MDN1: variants seen among roughly 807,000 people sequenced by gnomAD.
MDN1 encodes the protein midasin.
Under a neutral mutation model 669.2 loss-of-function variants are expected in MDN1, and 266 were observed. The observed-to-expected ratio is 0.40, with a 90% CI of 0.36 to 0.44. The LOEUF is 0.44. Ranked by LOEUF, MDN1 falls within the 20% of genes least tolerant of loss-of-function variation. The pLI, the probability that MDN1 is intolerant of heterozygous loss-of-function variation, is 1.00. For missense variants in MDN1, 5,940 were observed against 6,754.0 expected (o/e 0.88, Z 4.22); for synonymous variants, 2,385 against 2,457.1 (o/e 0.97, Z 0.87).
At chr6:89,726,746 G>A (rs1362103579) in intron 37 of MDN1, among the ~76,000 whole-genome samples, 2 of 152,188 alleles carry the variant, frequency 1.3e-5, no homozygotes, top group African/African-American at 2.4e-5. Flanking sequence ...GCTCAGGGAT[G>A]TGAAGCATGT....
intron 1 of MDN1, among the ~76,000 whole-genome samples, chr6:89,809,993 TAAAAAAAAAAAAAAAAA>T (rs61558155): frequency 7.6e-5 from 4 of 52,832 alleles, no homozygotes; most frequent in East Asian, 7.9e-4. Flanking sequence ...TCCGTTTCAC[TAAAAAAAAAAAAAAAAA>T]AAAAAAAAAA....
intron 23 of MDN1, among the ~76,000 whole-genome samples, chr6:89,750,970 A>AT (rs11407844): frequency 0.52 from 77,500 of 149,648 alleles, 20,329 homozygotes; most frequent in East Asian, 0.68. Context: ...TTAAAAGAGC[A>AT]TTTTTTTTTC....
At chr6:89,778,401 A>T (rs1818459922) in intron 11 of MDN1, among the ~76,000 whole-genome samples, 1 of 152,142 alleles carries the variant, frequency 6.6e-6, no homozygotes, top group Admixed American at 6.6e-5. Flanking sequence ...AAAGACCCAA[A>T]TAATGGCACC....
At position 89,713,286 on chromosome 6, in the gene MDN1, T is replaced by C. The variant is rs1814086551; in HGVS notation, c.7080A>G (p.Thr2360=). ...TCTGGATTAGAGTTGATACAGAAGATGTTGGAGAACCTATTAAAAAAAAAT... is the reference window on the plus strand; with the variant it reads ...TCTGGATTAGAGTTGATACAGAAGACGTTGGAGAACCTATTAAAAAAAAAT... ...ETRSTVVGSP[T]SSVSTLIQTA... is the part of the protein sequence containing the mutation. The change falls in exon 47 of 102, where the codon ACA becomes ACG. Residue 2360 remains threonine, a synonymous_variant. Transcript: ENST00000369393. 2 of 1,609,838 alleles carry C rather than the reference T, an allele frequency of 1.2e-6. No individual in the cohort carries two copies. Among genetic ancestry groups the C allele is most frequent in the South Asian group, 1.1e-5 (1 of 90,724 alleles).
chr6:89,728,901 C>T (rs374877042), intron 36 of MDN1, 30 bp downstream of exon 36: 1 of 1,577,346 alleles, frequency 6.3e-7, no homozygotes, highest in Non-Finnish European at 8.7e-7. Flanking sequence ...CTATAGCTAT[C>T]TCCATCAGCT....
intron 12 of MDN1, among the ~76,000 whole-genome samples, 177 bp from the exon 13 acceptor site, chr6:89,774,910 T>A (rs988566188): frequency 2.0e-5 from 3 of 152,212 alleles, no homozygotes; most frequent in African/African-American, 7.2e-5. Context: ...CAAACTTCTA[T>A]GTTTTTCACA....
chr6:89,817,160 T>C (rs1267539401), intron 1 of MDN1, among the ~76,000 whole-genome samples: 1 of 152,186 alleles, frequency 6.6e-6, no homozygotes, highest in Non-Finnish European at 1.5e-5. Flanking sequence ...TACTGAGTGA[T>C]GGCTTAGGTC....
In MDN1 at chr6:89,673,519, C is replaced by G. The variant is rs561758060; in HGVS notation, c.13248-57G>C. On this transcript the variant is annotated intron_variant, in intron 79 of 101. Coordinates refer to ENST00000369393, the MANE Select transcript of MDN1 (RefSeq NM_014611.3). ...ATGCATTACAGTTCCCACAAACACACACCCCTCCCTGCAACCACTACAAGA... is the reference window on the plus strand; with the variant it reads ...ATGCATTACAGTTCCCACAAACACAGACCCCTCCCTGCAACCACTACAAGA... 74 of 1,457,402 alleles carry G rather than the reference C, an allele frequency of 5.1e-5. 1 individual carries two copies. The South Asian group carries it at 8.1e-4, about 16-fold the overall frequency. The allele number at this position is 1,457,402 out of a possible 1,614,324, so 90.3% of individuals were successfully genotyped here.
rs117629780 is a variant in MDN1 at position 89,819,754 on chromosome 6, G to A, written c.-147C>T. The A allele has an allele frequency of 5.9e-4, 383 of 650,068 alleles. 7 individuals carry two copies. In the East Asian group the frequency reaches 9.9e-3, roughly 17 times the overall value. The allele number at this position is 650,068 out of a possible 1,614,324, so 40.3% of individuals were successfully genotyped here. ...AGCTCCAGCGCCTACACCGGGAGAG[G>A]GGCACCACACGTGGGTGAGCACACG... is the stretch of plus-strand genomic sequence containing the variant. On this transcript the variant is annotated 5_prime_UTR_variant, in exon 1 of 102. Transcript: ENST00000369393.
chr6:89,673,701 C>A, intron 79 of MDN1: 1 of 537,962 alleles, frequency 1.9e-6, no homozygotes, highest in Non-Finnish European at 3.3e-6. Context: ...GAATAAATTA[C>A]TAAATTTATT....
chr6:89,816,581 A>T (rs747197769), intron 1 of MDN1, among the ~76,000 whole-genome samples: 156 of 152,206 alleles, frequency 1.0e-3, no homozygotes, highest in Non-Finnish European at 1.2e-3. Flanking sequence ...TAAAAATTTT[A>T]AAAAAAGAAA....
In MDN1 at chr6:89,781,534, T is replaced by C; in HGVS notation, c.1508A>G (p.Tyr503Cys). 1 of 1,613,774 alleles carries C rather than the reference T, an allele frequency of 6.2e-7. No homozygotes were observed. The highest frequency in any genetic ancestry group is 8.5e-7 in the Non-Finnish European group (1 of 1,179,740). ...LAVVDHLLDIYIQLTGEKHHS... is the reference protein window; with the variant it reads ...LAVVDHLLDICIQLTGEKHHS... The stretch of plus-strand genomic sequence containing the variant: ...ATGTTTCTCTCCAGTAAGTTGGATA[T>C]AAATGTCAAGCAGGTGATCAACCAC... The change falls in exon 10 of 102, where the codon TAT (tyrosine) becomes TGT (cysteine). Residue 503 changes from tyrosine to cysteine, a missense_variant. Coordinates refer to ENST00000369393, the MANE Select transcript of MDN1 (RefSeq NM_014611.3).
chr6:89,676,215 A>C lies in MDN1; in HGVS notation c.12540-8T>G. On this transcript the variant is annotated splice_region_variant and splice_polypyrimidine_tract_variant and intron_variant, in intron 76 of 101. Transcript: ENST00000369393. ...GAGATTTCTGTAAGCAGCCTGGAAAAGATATCAACATTGTTTACTTAATTA... is the reference window on the plus strand; with the variant it reads ...GAGATTTCTGTAAGCAGCCTGGAAACGATATCAACATTGTTTACTTAATTA... 2 of 1,612,428 alleles carry C rather than the reference A, an allele frequency of 1.2e-6. No individual in the cohort carries two copies. Among genetic ancestry groups the C allele is most frequent in the Non-Finnish European group, 1.7e-6 (2 of 1,178,422 alleles).
At chr6:89,819,409 C>T in intron 1 of MDN1, 97 bp downstream of exon 1, 1 of 1,166,280 alleles carries the variant, frequency 8.6e-7, no homozygotes, top group African/African-American at 1.5e-5. Flanking sequence ...GCACCACTCC[C>T]CACTTAAAGC....
At chr6:89,680,835 A>C in intron 73 of MDN1, 84 bp from the exon 74 acceptor site, 2 of 1,413,482 alleles carry the variant, frequency 1.4e-6, no homozygotes, top group Non-Finnish European at 1.9e-6. Context: ...ACTGTTGCAC[A>C]CAAAAACACA....
chr6:89,784,121 C>G (rs998011955), intron 9 of MDN1, among the ~76,000 whole-genome samples: 4 of 151,852 alleles, frequency 2.6e-5, no homozygotes, highest in Non-Finnish European at 5.9e-5. Flanking sequence ...TTGAGACCAG[C>G]CTGGTCAACA....
Position 89,692,431 on chromosome 6 carries a change from G to A in MDN1, c.10587+12C>T. 1 of 1,595,226 alleles carries A rather than the reference G, an allele frequency of 6.3e-7. No homozygotes were observed. The highest frequency in any genetic ancestry group is 1.3e-5 in the African/African-American group (1 of 74,764). ...GAGGAAGGGCAGGGCAGGCCTCCCA[G>A]AGATGGCTCACCTGACACACATGTC... is the stretch of plus-strand genomic sequence containing the variant. On this transcript the variant is annotated intron_variant, in intron 63 of 101. Transcript: ENST00000369393.
In MDN1 at chr6:89,719,207, C is replaced by T. The variant is rs753235940; in HGVS notation, c.5986G>A (p.Asp1996Asn). 18 of 1,613,216 alleles carry T rather than the reference C, an allele frequency of 1.1e-5. No homozygotes were observed. Among genetic ancestry groups the T allele is most frequent in the Non-Finnish European group, 1.5e-5 (18 of 1,179,332 alleles). The change falls in exon 41 of 102, where the codon GAT becomes AAT. Residue 1996 changes from aspartate to asparagine, a missense_variant. Transcript: ENST00000369393. ...DKKKVIAVFK[D>N]VFGSNSNPYM... is the part of the protein sequence containing the mutation. ...GGGTTGGAATTTGAACCAAACACAT[C>T]CTTGAATACAGCAATGACCTAAAGG... is the stretch of plus-strand genomic sequence containing the variant.
In MDN1 at chr6:89,686,949, T is replaced by C. The variant is rs368869365; in HGVS notation, c.11525A>G (p.Tyr3842Cys). The C allele has an allele frequency of 5.6e-5, 90 of 1,613,842 alleles. No individual in the cohort carries two copies. Among genetic ancestry groups the C allele is most frequent in the Middle Eastern group, 1.6e-4 (1 of 6,084 alleles). ...CTGCATGTGCTTCTCAAGCATCTGA[T>C]AGATGGAGAACCAGTGCTTGGTGGA... ...EKSTKHWFSIYQMLEKHMQEQ... is the reference protein window; with the variant it reads ...EKSTKHWFSICQMLEKHMQEQ... Residue 3842 changes from tyrosine to cysteine, a missense_variant, in exon 69 of 102, where the codon TAT (tyrosine) becomes TGT (cysteine). Transcript: ENST00000369393.
Sources: allele counts gnomAD v4.1 joint callset (sites outside exome capture counted in the v4.1 genomes callset), GRCh38; gene constraint gnomAD v4.1.1; transcripts MANE v1.5; gene names NCBI Gene and HGNC (gene_info 2026-07-23, HGNC 2026-07-21).